GFRAL: variants seen among roughly 807,000 people sequenced by gnomAD.
The protein encoded by GFRAL is GDNF family receptor alpha like.
A neutral mutation model predicts 45.4 loss-of-function variants in GFRAL; 36 were observed. The observed-to-expected ratio is 0.79, with a 90% CI of 0.61 to 1.05. The LOEUF (loss-of-function observed/expected upper bound fraction) is 1.05. Among genes scored for constraint, GFRAL ranks in the 50% least tolerant of loss-of-function variants. GFRAL has a pLI of 0.00. For missense variants in GFRAL, 507 were observed against 467.5 expected (o/e 1.08, Z -0.78); for synonymous variants, 166 against 154.1 (o/e 1.08, Z -0.57).
intron 6 of GFRAL, among the ~76,000 whole-genome samples, chr6:55,382,959 T>C (rs1027111672): frequency 2.6e-5 from 4 of 152,026 alleles, no homozygotes; most frequent in African/African-American, 9.7e-5. Context: ...ACTTTTTGAA[T>C]AATTATGATG....
At chr6:55,378,061 TG>T (rs1768557777) in intron 6 of GFRAL, among the ~76,000 whole-genome samples, 1 of 152,084 alleles carries the variant, frequency 6.6e-6, no homozygotes, top group South Asian at 2.1e-4. Flanking sequence ...CTCACTGATT[TG>T]GGGTGACCCC....
Position 55,351,453 on chromosome 6 carries a change from T to A in GFRAL, c.571T>A (p.Cys191Ser). 6.2e-7 allele frequency: 1 copy of A among 1,613,694 alleles called. No homozygotes were observed. The highest frequency in any genetic ancestry group is 8.5e-7 in the Non-Finnish European group (1 of 1,179,742). The change falls in exon 5 of 9, where the codon TGT (cysteine) becomes AGT (serine). Residue 191 changes from cysteine (C) to serine (S), a missense_variant. By Grantham distance (112) the Cys-to-Ser change is moderately radical. Transcript: ENST00000340465. ...NIAQMLAFCD[C>S]AQSDIPCQQS... Reference sequence around the variant, plus strand: ...TGCCCAGATGTTGGCTTTTTGTGACTGTGCTCAATCTGATATACCTTGTCA... The same window carrying A: ...TGCCCAGATGTTGGCTTTTTGTGACAGTGCTCAATCTGATATACCTTGTCA...
At chr6:55,346,647 C>G (rs761079696) in intron 3 of GFRAL, among the ~76,000 whole-genome samples, 1 of 151,648 alleles carries the variant, frequency 6.6e-6, no homozygotes, top group Non-Finnish European at 1.5e-5. Context: ...CATATGTAAC[C>G]AACCTGCACG....
At chr6:55,364,484 T>A (rs1395665868) in intron 6 of GFRAL, among the ~76,000 whole-genome samples, 1 of 145,070 alleles carries the variant, frequency 6.9e-6, no homozygotes, top group Non-Finnish European at 1.5e-5. Context: ...TGCCATTGCT[T>A]TTGGTGCTTT....
intron 6 of GFRAL, among the ~76,000 whole-genome samples, chr6:55,391,557 C>T (rs115057896): frequency 6.6e-6 from 1 of 152,098 alleles, no homozygotes; most frequent in African/African-American, 2.4e-5. Context: ...TTGAGGCCAG[C>T]CTGGGCAATA....
At chr6:55,369,269 C>T (rs993379342) in intron 6 of GFRAL, among the ~76,000 whole-genome samples, 3 of 152,216 alleles carry the variant, frequency 2.0e-5, no homozygotes, top group Non-Finnish European at 4.4e-5. Context: ...CTTGCGCTTC[C>T]CAAGTGAGGC....
At chr6:55,378,042 A>T (rs1431262083) in intron 6 of GFRAL, among the ~76,000 whole-genome samples, 1 of 152,068 alleles carries the variant, frequency 6.6e-6, no homozygotes, top group African/African-American at 2.4e-5. Context: ...TGACCTTTGG[A>T]TCCTGTCCCT....
At chr6:55,368,935 G>A (rs1479937199) in intron 6 of GFRAL, among the ~76,000 whole-genome samples, 1 of 152,120 alleles carries the variant, frequency 6.6e-6, no homozygotes, top group Non-Finnish European at 1.5e-5. Context: ...GCCTACAGAG[G>A]CAGGCAGGCC....
chr6:55,387,315 T>C (rs1057382988), intron 6 of GFRAL, among the ~76,000 whole-genome samples: 2 of 152,246 alleles, frequency 1.3e-5, no homozygotes, highest in South Asian at 2.1e-4. Flanking sequence ...CATACAATCC[T>C]CTTGTTGCCT....
At chr6:55,343,907 C>A (rs1025419829) in intron 3 of GFRAL, among the ~76,000 whole-genome samples, 5 of 152,048 alleles carry the variant, frequency 3.3e-5, no homozygotes, top group African/African-American at 1.2e-4. Flanking sequence ...AGAATAAACA[C>A]CTCTACACAA....
chr6:55,362,678 A>G (rs1392939393), intron 6 of GFRAL, among the ~76,000 whole-genome samples: 2 of 152,036 alleles, frequency 1.3e-5, no homozygotes, highest in African/African-American at 4.8e-5. Flanking sequence ...TCAGTCCATT[A>G]TACCGAAGGA....
chr6:55,335,895 C>CTTTAT (rs143794858), intron 3 of GFRAL, among the ~76,000 whole-genome samples: 22,943 of 147,506 alleles, frequency 0.16, 2,412 homozygotes, highest in East Asian at 0.48. Flanking sequence ...ATTTCTTTGT[C>CTTTAT]TTTATTTTAT....
At chr6:55,346,832 C>A (rs1768048810) in intron 3 of GFRAL, among the ~76,000 whole-genome samples, 1 of 34,100 alleles carries the variant, frequency 2.9e-5, no homozygotes, top group African/African-American at 7.2e-5. Flanking sequence ...AACAAGAAAT[C>A]CCCCCCCCCC....
At chr6:55,332,363 G>A (rs1767841530) in intron 2 of GFRAL, among the ~76,000 whole-genome samples, 1 of 152,028 alleles carries the variant, frequency 6.6e-6, no homozygotes, top group South Asian at 2.1e-4. Context: ...CATTTGTGGG[G>A]AGGTTCAAGA....
chr6:55,394,164 GAAGT>G (rs966220094), intron 6 of GFRAL, among the ~76,000 whole-genome samples: 2 of 152,172 alleles, frequency 1.3e-5, no homozygotes, highest in African/African-American at 4.8e-5. Flanking sequence ...CACAGTGAGA[GAAGT>G]AAGTATAGTA....
rs569571779 is a variant in GFRAL, at chr6:55,366,076, C to G, written c.952+6938C>G. ...CTGTGAATCCATCTGGTCCTTGACT[C>G]TTTTTGGTTGGTAAGCTATTGATTA... On this transcript the variant is annotated intron_variant, in intron 6 of 8. Coordinates refer to ENST00000340465, the MANE Select transcript of GFRAL (RefSeq NM_207410.2). 4.5e-3 allele frequency among the ~76,000 whole-genome samples: 684 copies of G among 151,572 alleles called. 3 individuals carry two copies. Among genetic ancestry groups the G allele is most frequent in the Non-Finnish European group, 8.2e-3 (559 of 67,836 alleles).
intron 6 of GFRAL, among the ~76,000 whole-genome samples, chr6:55,378,788 G>A (rs896811038): frequency 6.6e-6 from 1 of 151,932 alleles, no homozygotes; most frequent in African/African-American, 2.4e-5. Flanking sequence ...ACAGTCAAGA[G>A]TACTGCTCAT....
chr6:55,330,337 T>A (rs193252936), intron 1 of GFRAL, among the ~76,000 whole-genome samples: 1 of 152,246 alleles, frequency 6.6e-6, no homozygotes, highest in East Asian at 1.9e-4. Context: ...TAAATTATCC[T>A]TAATGTCTGT....
intron 6 of GFRAL, among the ~76,000 whole-genome samples, chr6:55,367,327 A>G (rs1581915081): frequency 7.0e-6 from 1 of 141,880 alleles, no homozygotes; most frequent in Admixed American, 6.9e-5. Context: ...TTTTGAGCCT[A>G]TGGGTGTCTC....
Sources: allele counts gnomAD v4.1 joint callset (sites outside exome capture counted in the v4.1 genomes callset), GRCh38; gene constraint gnomAD v4.1.1; transcripts MANE v1.5; gene names NCBI Gene and HGNC (gene_info 2026-07-23, HGNC 2026-07-21).